Variants in PCDHB6 observed in about 807,000 individuals in gnomAD.
PCDHB6 encodes protocadherin beta-6.
For missense variants in PCDHB6, 1,137 were observed against 1,010.1 expected (o/e 1.13, Z -1.70); for synonymous variants, 506 against 459.0 (o/e 1.10, Z -1.31).
At position 141,152,087 on chromosome 5, in the gene PCDHB6, C is replaced by A. The variant is rs781875855; in HGVS notation, c.1830C>A (p.Leu610=). The A allele has an allele frequency of 6.2e-7, 1 of 1,606,712 alleles. No homozygotes were observed. The highest frequency in any genetic ancestry group is 8.5e-7 in the Non-Finnish European group (1 of 1,179,670). ...LSYQLLKATE[L]GLFGVWAHNG... The stretch of plus-strand genomic sequence containing the variant: ...ACCAGCTGCTCAAGGCCACGGAGCT[C>A]GGTCTGTTCGGCGTGTGGGCGCACA... Residue 610 remains leucine (L), a synonymous_variant, in exon 1 of 1, where the codon CTC becomes CTA. Coordinates refer to ENST00000231136, the MANE Select transcript of PCDHB6 (RefSeq NM_018939.4).
In PCDHB6 at chr5:141,150,265, A is replaced by G. The variant is rs782654431; in HGVS notation, c.8A>G (p.Gln3Arg). 2.5e-6 allele frequency: 4 copies of G among 1,607,286 alleles called. No individual in the cohort carries two copies. The highest frequency in any genetic ancestry group is 8.5e-7 in the Non-Finnish European group (1 of 1,175,252). Residue 3 changes from glutamine to arginine, a missense_variant, in exon 1 of 1, where the codon CAA becomes CGA. Gln to Arg is a conservative substitution (Grantham distance 43, BLOSUM62 1). Coordinates refer to ENST00000231136, the MANE Select transcript of PCDHB6 (RefSeq NM_018939.4). MMQTKVQNKKRQV... is the reference protein window; with the variant it reads MMRTKVQNKKRQV... ...TATTCAGACATAATAGACATGATGC[A>G]AACTAAAGTACAGAACAAGAAAAGG...
In PCDHB6 at chr5:141,151,214, TAC is replaced by T; in HGVS notation, c.959_960del (p.Thr320ArgfsTer20). ...AGTCTTATGACGTGGATGTTGAGGC[TAC>T]AGATGGTGGAGGCCTATCAGGAAAA... ...IQSYDVDVEATDGGGLSGKCS... is the reference protein window; with the variant it reads ...IQSYDVDVEAXDGGGLSGKCS... On this transcript the variant is annotated frameshift_variant, in exon 1 of 1. Transcript: ENST00000231136. LOFTEE classifies it low-confidence loss of function (END_TRUNC). 1 of 1,614,186 alleles carries T rather than the reference TAC, an allele frequency of 6.2e-7. No individual in the cohort carries two copies. Among genetic ancestry groups the T allele is most frequent in the Non-Finnish European group, 8.5e-7 (1 of 1,180,038 alleles).
chr5:141,152,389 T>A lies in PCDHB6; in HGVS notation c.2132T>A (p.Leu711Gln). The change falls in exon 1 of 1, where the codon CTG (leucine) becomes CAG (glutamine). Residue 711 changes from leucine to glutamine, a missense_variant. Transcript: ENST00000231136. ...FSVLLFVAVRLCRRSRAASVG... is the reference protein window; with the variant it reads ...FSVLLFVAVRQCRRSRAASVG... The stretch of plus-strand genomic sequence containing the variant: ...GTGCTCCTGTTCGTGGCGGTGCGGC[T>A]GTGCAGGAGGAGCAGGGCGGCCTCG... 1.2e-6 allele frequency: 2 copies of A among 1,612,698 alleles called. No homozygotes were observed. The highest frequency in any genetic ancestry group is 1.7e-6 in the Non-Finnish European group (2 of 1,179,976).
Position 141,152,792 on chromosome 5 carries a change from A to C in PCDHB6, c.*150A>C. 1 of 661,712 alleles carries C rather than the reference A, an allele frequency of 1.5e-6. No individual in the cohort carries two copies. The highest frequency in any genetic ancestry group is 2.4e-6 in the Non-Finnish European group (1 of 415,238). The allele number at this position is 661,712 out of a possible 1,614,324, so 41.0% of individuals were successfully genotyped here. ...ACTGGTATCTTAGTATTTCCTGTTC[A>C]TGCTTAGTAGTTTATTACTTCACTT... On this transcript the variant is annotated 3_prime_UTR_variant, in exon 1 of 1. Transcript: ENST00000231136.
In PCDHB6 at chr5:141,150,251, A is replaced by G. The variant is rs782602799; in HGVS notation, c.-7A>G. On this transcript the variant is annotated 5_prime_UTR_variant, in exon 1 of 1. In the 5' UTR this introduces an upstream ATG that the reference lacks. Transcript: ENST00000231136. ...GGATTTTTCTTCCGTATTCAGACATAATAGACATGATGCAAACTAAAGTAC... is the reference window on the plus strand; with the variant it reads ...GGATTTTTCTTCCGTATTCAGACATGATAGACATGATGCAAACTAAAGTAC... The G allele has an allele frequency of 1.9e-6, 3 of 1,600,826 alleles. No individual in the cohort carries two copies. The highest frequency in any genetic ancestry group is 2.6e-6 in the Non-Finnish European group (3 of 1,170,662).
In PCDHB6 at chr5:141,151,570, AG is replaced by A. The variant is rs1563890895; in HGVS notation, c.1315del (p.Val439SerfsTer101). ...RLKTQQSITV[Q>X]VSDVNDNAPA... ...AAAACCCAGCAGAGCATAACTGTGCAGGTCTCCGACGTCAATGACAACGCCC... is the reference window on the plus strand; with the variant it reads ...AAAACCCAGCAGAGCATAACTGTGCAGTCTCCGACGTCAATGACAACGCCC... On this transcript the variant is annotated frameshift_variant, in exon 1 of 1. Transcript: ENST00000231136. LOFTEE classifies it low-confidence loss of function (END_TRUNC). 6.2e-7 allele frequency: 1 copy of A among 1,614,076 alleles called. No individual in the cohort carries two copies. Among genetic ancestry groups the A allele is most frequent in the South Asian group, 1.1e-5 (1 of 91,072 alleles).
chr5:141,151,992 G>A lies in PCDHB6; in HGVS notation c.1735G>A (p.Glu579Lys), dbSNP rs781817379. The A allele has an allele frequency of 7.5e-6, 12 of 1,609,504 alleles. No homozygotes were observed. The highest frequency in any genetic ancestry group is 8.5e-6 in the Non-Finnish European group (10 of 1,179,572). Reference protein sequence around the residue: ...PCTELVPRAAEPGYLVTKVVA... With the variant: ...PCTELVPRAAKPGYLVTKVVA... ...CACCGAGCTGGTGCCCCGGGCGGCC[G>A]AGCCGGGCTACCTGGTGACCAAGGT... The change falls in exon 1 of 1, where the codon GAG becomes AAG. Residue 579 changes from glutamate to lysine, a missense_variant. Glu to Lys is a moderately conservative substitution (Grantham distance 56, BLOSUM62 1). Transcript: ENST00000231136.
At position 141,150,150 on chromosome 5, in the gene PCDHB6, G is replaced by GTT. The variant is rs1192620303; in HGVS notation, c.-107_-106insTT. On this transcript the variant is annotated 5_prime_UTR_variant, in exon 1 of 1. The change abolishes the stop of an existing upstream ORF in the 5' untranslated region. Transcript: ENST00000231136. ...GAAGGCAGTCGTCGCCAGACAAGTT[G>GTT]TAAGAACGAATTTAAAAATCTCTGC... is the stretch of plus-strand genomic sequence containing the variant. 4.7e-6 allele frequency: 4 copies of GTT among 855,228 alleles called. No individual in the cohort carries two copies. Among genetic ancestry groups the GTT allele is most frequent in the African/African-American group, 3.4e-5 (2 of 58,606 alleles). 53.0% of individuals were successfully genotyped at this position (855,228 alleles called of 1,614,324 possible).
At position 141,152,906 on chromosome 5, in the gene PCDHB6, C is replaced by CCA. The variant is rs397758285; in HGVS notation, c.*264_*265insCA. On this transcript the variant is annotated 3_prime_UTR_variant, in exon 1 of 1. Coordinates refer to ENST00000231136, the MANE Select transcript of PCDHB6 (RefSeq NM_018939.4). ...TTAAATTATCTATTCTTCCCCCCCC[C>CCA]AAAAAAAAGTATTGTAAATCCTTAA... 14 of 236,356 alleles carry CCA rather than the reference C, an allele frequency of 5.9e-5. No homozygotes were observed. Among genetic ancestry groups the CCA allele is most frequent in the South Asian group, 1.4e-4 (1 of 7,144 alleles). The allele number at this position is 236,356 out of a possible 1,614,324, so 14.6% of individuals were successfully genotyped here.
chr5:141,151,939 A>T lies in PCDHB6; in HGVS notation c.1682A>T (p.Tyr561Phe). ...AACGACAACTCGCCCTTCGTGTTGT[A>T]CCCGCTGCAGAACGGCTCCGCGCCC... is the stretch of plus-strand genomic sequence containing the variant. ...DANDNSPFVL[Y>F]PLQNGSAPCT... is the part of the protein sequence containing the mutation. Residue 561 changes from tyrosine to phenylalanine, a missense_variant, in exon 1 of 1, where the codon TAC becomes TTC. Transcript: ENST00000231136. 6.2e-7 allele frequency: 1 copy of T among 1,611,224 alleles called. No homozygotes were observed. Among genetic ancestry groups the T allele is most frequent in the Non-Finnish European group, 8.5e-7 (1 of 1,179,730 alleles).
In PCDHB6 at chr5:141,152,906, C is replaced by CG. The variant is rs397758285; in HGVS notation, c.*264_*265insG. 5 of 236,362 alleles carry CG rather than the reference C, an allele frequency of 2.1e-5. No individual in the cohort carries two copies. In the East Asian group the frequency reaches 5.6e-4, roughly 26 times the overall value. 14.6% of individuals were successfully genotyped at this position (236,362 alleles called of 1,614,324 possible). A position where few individuals can be genotyped will look rare whatever the true frequency, so the allele number is the denominator to read the frequency against. ...TTAAATTATCTATTCTTCCCCCCCC[C>CG]AAAAAAAAGTATTGTAAATCCTTAA... On this transcript the variant is annotated 3_prime_UTR_variant, in exon 1 of 1. Coordinates refer to ENST00000231136, the MANE Select transcript of PCDHB6 (RefSeq NM_018939.4).
rs1021826769 is a variant in PCDHB6 at position 141,150,496 on chromosome 5, C to A, written c.239C>A (p.Thr80Asn). ...CAACATTTGCAGTTTGATCCACAGA[C>A]CCATGATTTACTGCTAAATGAAAAA... ...NRQHLQFDPQ[T>N]HDLLLNEKLD... The change falls in exon 1 of 1, where the codon ACC (threonine) becomes AAC (asparagine). Residue 80 changes from threonine to asparagine, a missense_variant. Physicochemically the swap from Thr to Asn is moderately conservative, Grantham distance 65. Transcript: ENST00000231136. 1 of 1,614,070 alleles carries A rather than the reference C, an allele frequency of 6.2e-7. No individual in the cohort carries two copies. Among genetic ancestry groups the A allele is most frequent in the Admixed American group, 1.7e-5 (1 of 60,018 alleles).
rs1237482670 is a variant in PCDHB6 at position 141,151,602 on chromosome 5, T to G, written c.1345T>G (p.Phe449Val). The G allele has an allele frequency of 8.7e-6, 14 of 1,613,716 alleles. No individual in the cohort carries two copies. The Admixed American group carries it at 2.2e-4, about 25-fold the overall frequency. Reference protein sequence around the residue: ...VSDVNDNAPAFTQTSYTLFVR... With the variant: ...VSDVNDNAPAVTQTSYTLFVR... ...CGACGTCAATGACAACGCCCCCGCC[T>G]TCACCCAAACCTCCTACACCCTGTT... Residue 449 changes from phenylalanine to valine, a missense_variant, in exon 1 of 1, where the codon TTC becomes GTC. Physicochemically the swap from Phe to Val is conservative, Grantham distance 50. Coordinates refer to ENST00000231136, the MANE Select transcript of PCDHB6 (RefSeq NM_018939.4).
In PCDHB6 at chr5:141,150,591, C is replaced by T. The variant is rs1554277464; in HGVS notation, c.334C>T (p.Pro112Ser). ...ACCTTTCCAAGTGTTACTGGAAAAC[C>T]CCTTGCAGTTTTTTCAGGCTTCCTT... is the stretch of plus-strand genomic sequence containing the variant. ...VLPFQVLLENPLQFFQASLRV... is the reference protein window; with the variant it reads ...VLPFQVLLENSLQFFQASLRV... Residue 112 changes from proline (P) to serine (S), a missense_variant, in exon 1 of 1, where the codon CCC (proline) becomes TCC (serine). Transcript: ENST00000231136. The T allele has an allele frequency of 6.2e-7, 1 of 1,614,100 alleles. No individual in the cohort carries two copies. Among genetic ancestry groups the T allele is most frequent in the Admixed American group, 1.7e-5 (1 of 60,024 alleles).
Position 141,150,437 on chromosome 5 carries a change from G to T in PCDHB6, c.180G>T (p.Ser60=), listed in dbSNP as rs1752823272. The T allele has an allele frequency of 1.2e-6, 2 of 1,613,952 alleles. No individual in the cohort carries two copies. The highest frequency in any genetic ancestry group is 1.7e-5 in the Admixed American group (1 of 60,002). Residue 60 remains serine (S), a synonymous_variant, in exon 1 of 1, where the codon TCG becomes TCT. Coordinates refer to ENST00000231136, the MANE Select transcript of PCDHB6 (RefSeq NM_018939.4). ...GACTGAGGGTGGGGGAGCTGGCTTC[G>T]CGGGGCGCTCGGGTTGTTTTCAAAG... ...DLGLRVGELA[S]RGARVVFKGN...
chr5:141,150,799 C>A lies in PCDHB6; in HGVS notation c.542C>A (p.Thr181Asn), dbSNP rs572160511. 6.2e-6 allele frequency: 10 copies of A among 1,614,206 alleles called. No individual in the cohort carries two copies. In the African/African-American group the frequency reaches 1.2e-4, roughly 19 times the overall value. The change falls in exon 1 of 1, where the codon ACC becomes AAC. Residue 181 changes from threonine (T) to asparagine (N), a missense_variant. Physicochemically the swap from Thr to Asn is moderately conservative, Grantham distance 65. Coordinates refer to ENST00000231136, the MANE Select transcript of PCDHB6 (RefSeq NM_018939.4). ...ISSNPHFHVL[T>N]RNRSEGRKFP... ...TCCAACCCTCACTTCCACGTTCTCA[C>A]CCGCAATCGCAGCGAAGGCAGGAAG...
rs781785825 is a variant in PCDHB6 at position 141,152,306 on chromosome 5, T to C, written c.2049T>C (p.Ser683=). The C allele has an allele frequency of 6.8e-6, 11 of 1,608,820 alleles. No homozygotes were observed. The highest frequency in any genetic ancestry group is 3.4e-6 in the Non-Finnish European group (4 of 1,179,794). The part of the protein sequence containing the change: ...EAAPAQAQAD[S]LTVYLVVALA... ...CCCCGGCCCAAGCCCAGGCCGACTC[T>C]CTCACCGTCTACCTGGTGGTGGCGT... The change falls in exon 1 of 1, where the codon TCT becomes TCC. Residue 683 remains serine, a synonymous_variant. Transcript: ENST00000231136.
Position 141,150,404 on chromosome 5 carries a change from G to A in PCDHB6, c.147G>A (p.Lys49=). The stretch of plus-strand genomic sequence containing the variant: ...GCACGTTTGTGGCCAACTTGACAAA[G>A]GACCTGGGACTGAGGGTGGGGGAGC... ...ESGTFVANLT[K]DLGLRVGELA... is the part of the protein sequence containing the mutation. Residue 49 remains lysine (K), a synonymous_variant, in exon 1 of 1, where the codon AAG becomes AAA. Coordinates refer to ENST00000231136, the MANE Select transcript of PCDHB6 (RefSeq NM_018939.4). 1.2e-6 allele frequency: 2 copies of A among 1,614,140 alleles called. No homozygotes were observed. The highest frequency in any genetic ancestry group is 1.7e-6 in the Non-Finnish European group (2 of 1,180,042).
In PCDHB6 at chr5:141,150,496, C is replaced by T. The variant is rs1021826769; in HGVS notation, c.239C>T (p.Thr80Ile). The T allele has an allele frequency of 5.6e-6, 9 of 1,614,070 alleles. No individual in the cohort carries two copies. Among genetic ancestry groups the T allele is most frequent in the Middle Eastern group, 1.6e-4 (1 of 6,062 alleles). Reference protein sequence around the residue: ...NRQHLQFDPQTHDLLLNEKLD... With the variant: ...NRQHLQFDPQIHDLLLNEKLD... ...CAACATTTGCAGTTTGATCCACAGA[C>T]CCATGATTTACTGCTAAATGAAAAA... is the stretch of plus-strand genomic sequence containing the variant. Residue 80 changes from threonine to isoleucine, a missense_variant, in exon 1 of 1, where the codon ACC (threonine) becomes ATC (isoleucine). Transcript: ENST00000231136.
Sources: allele counts gnomAD v4.1 joint callset, GRCh38; gene constraint gnomAD v4.1.1; transcripts MANE v1.5; gene names NCBI Gene and HGNC (gene_info 2026-07-23, HGNC 2026-07-21).